SEMA3A: variants seen among roughly 807,000 people sequenced by gnomAD.
The protein encoded by SEMA3A is semaphorin-3A.
SEMA3A carries 29 observed loss-of-function variants against 97.9 expected under a neutral mutation model. The observed-to-expected ratio is 0.30, with a 90% CI of 0.22 to 0.40. The LOEUF (loss-of-function observed/expected upper bound fraction) is 0.40. SEMA3A is among the 10% of genes least tolerant of loss of function. The pLI, the probability that SEMA3A is intolerant of heterozygous loss-of-function variation, is 1.00. For missense variants in SEMA3A, 763 were observed against 951.3 expected (o/e 0.80, Z 2.60); for synonymous variants, 321 against 323.7 (o/e 0.99, Z 0.09).
chr7:84,135,039 G>C, intron 1 of SEMA3A, 88 bp from the exon 2 acceptor site: 5 of 960,410 alleles, frequency 5.2e-6, no homozygotes, highest in Non-Finnish European at 7.8e-6. Context: ...TGACTATATT[G>C]ACTGCTGTAG....
At chr7:84,027,147 C>T (rs533798260) in intron 6 of SEMA3A, among the ~76,000 whole-genome samples, 1 of 152,204 alleles carries the variant, frequency 6.6e-6, no homozygotes, top group Admixed American at 6.5e-5. Flanking sequence ...AATGGTTTTT[C>T]ATTGACTAAG....
chr7:84,185,673 A>C (rs1233185272), intron 1 of SEMA3A, among the ~76,000 whole-genome samples: 3 of 147,138 alleles, frequency 2.0e-5, no homozygotes, highest in Non-Finnish European at 4.5e-5. Context: ...CCTGGGTGAC[A>C]AGAGAGAAAC....
intron 4 of SEMA3A, among the ~76,000 whole-genome samples, chr7:84,062,732 C>A (rs913358692): frequency 1.3e-5 from 2 of 152,226 alleles, no homozygotes; most frequent in African/African-American, 4.8e-5. Context: ...AACGGCGCAT[C>A]ACGAGATTAT....
chr7:84,463,728 A>G (rs1252991458), intron 1 of SEMA3A, among the ~76,000 whole-genome samples: 1 of 152,074 alleles, frequency 6.6e-6, no homozygotes, highest in Non-Finnish European at 1.5e-5. Context: ...AACTTCTGAG[A>G]ATCAACTAAA....
chr7:84,172,654 C>G (rs1797427087), intron 1 of SEMA3A, among the ~76,000 whole-genome samples: 1 of 152,108 alleles, frequency 6.6e-6, no homozygotes, highest in South Asian at 2.1e-4. Flanking sequence ...TCTCGATCTC[C>G]TGACCTAGTG....
intron 2 of SEMA3A, among the ~76,000 whole-genome samples, chr7:84,354,614 C>G (rs113848722): frequency 6.6e-6 from 1 of 151,584 alleles, no homozygotes; most frequent in East Asian, 1.9e-4. Context: ...CTGCCAAACA[C>G]GGATAGAGAA....
chr7:84,368,108 T>C lies in SEMA3A; in HGVS notation c.-169+3716A>G, dbSNP rs1221004681. 5.3e-5 allele frequency among the ~76,000 whole-genome samples: 8 copies of C among 151,202 alleles called. No individual in the cohort carries two copies. In the East Asian group the frequency reaches 7.7e-4, roughly 15 times the overall value. On this transcript the variant is annotated intron_variant, in intron 2 of 3. Coordinates refer to the SEMA3A transcript ENST00000424555. The stretch of plus-strand genomic sequence containing the variant: ...GAAATTAAATTTATAACATAAAATA[T>C]TTAAGCTCACTTATAGATAACCCAT...
At chr7:83,965,288 T>C (rs1162416128) in intron 15 of SEMA3A, among the ~76,000 whole-genome samples, 1 of 151,850 alleles carries the variant, frequency 6.6e-6, no homozygotes, top group Non-Finnish European at 1.5e-5. Context: ...AGACCTTTCA[T>C]TCAATCTCTA....
At chr7:84,167,810 T>C (rs1797259200) in intron 1 of SEMA3A, among the ~76,000 whole-genome samples, 1 of 152,094 alleles carries the variant, frequency 6.6e-6, no homozygotes, top group African/African-American at 2.4e-5. Flanking sequence ...CCTTCTAAAA[T>C]ACAAATGTAA....
intron 1 of SEMA3A, among the ~76,000 whole-genome samples, chr7:84,458,900 T>G (rs1805752670): frequency 6.6e-6 from 1 of 151,980 alleles, no homozygotes; most frequent in African/African-American, 2.4e-5. Context: ...TACTAGAACT[T>G]ATTCCTTTTA....
At chr7:84,029,642 C>T (rs1791665939) in intron 6 of SEMA3A, among the ~76,000 whole-genome samples, 1 of 152,066 alleles carries the variant, frequency 6.6e-6, no homozygotes, top group East Asian at 1.9e-4. Context: ...TCATAATTTA[C>T]ATTATTATGC....
intron 4 of SEMA3A, among the ~76,000 whole-genome samples, chr7:84,079,872 T>C (rs1180815806): frequency 6.9e-5 from 10 of 144,140 alleles, no homozygotes; most frequent in African/African-American, 1.4e-4. Context: ...CAAAGGACTA[T>C]AAATTATGCT....
intron 1 of SEMA3A, among the ~76,000 whole-genome samples, chr7:84,426,998 A>G (rs2116308508): frequency 6.6e-6 from 1 of 152,296 alleles, no homozygotes; most frequent in South Asian, 2.1e-4. Flanking sequence ...CTGACCCCTG[A>G]TGTTGGGACA....
intron 4 of SEMA3A, among the ~76,000 whole-genome samples, chr7:84,083,285 TTTC>T (rs1434256349): frequency 6.6e-6 from 1 of 151,974 alleles, no homozygotes; most frequent in Non-Finnish European, 1.5e-5. Context: ...TGAAACCATA[TTTC>T]TTTTTTATTT....
chr7:84,201,505 C>T (rs1423120149), intron 3 of SEMA3A, among the ~76,000 whole-genome samples: 1 of 151,854 alleles, frequency 6.6e-6, no homozygotes, highest in Admixed American at 6.6e-5. Flanking sequence ...TGCTTCTTTC[C>T]CCGCCCCCCA....
chr7:84,079,646 C>T (rs577874865), intron 4 of SEMA3A, among the ~76,000 whole-genome samples: 1 of 146,492 alleles, frequency 6.8e-6, no homozygotes, highest in South Asian at 2.2e-4. Context: ...ATCAAAACCA[C>T]AATGAGATAC....
chr7:84,028,323 A>T (rs1056547111), intron 6 of SEMA3A, among the ~76,000 whole-genome samples: 2 of 152,216 alleles, frequency 1.3e-5, no homozygotes, highest in African/African-American at 4.8e-5. Flanking sequence ...ACTTAGGTGA[A>T]TATGAGGACT....
At chr7:84,085,269 T>G (rs1190006484) in intron 4 of SEMA3A, among the ~76,000 whole-genome samples, 1 of 151,554 alleles carries the variant, frequency 6.6e-6, no homozygotes, top group African/African-American at 2.4e-5. Context: ...ATCAATGGAC[T>G]GCATTGAAGT....
intron 3 of SEMA3A, among the ~76,000 whole-genome samples, chr7:84,276,708 A>T (rs1194609246): frequency 6.6e-6 from 1 of 152,118 alleles, no homozygotes; most frequent in Non-Finnish European, 1.5e-5. Context: ...GTTTAAAATC[A>T]ATTTAACACA....
Sources: allele counts gnomAD v4.1 joint callset (sites outside exome capture counted in the v4.1 genomes callset), GRCh38; gene constraint gnomAD v4.1.1; transcripts MANE v1.5; gene names NCBI Gene and HGNC (gene_info 2026-07-23, HGNC 2026-07-21).